CACHD1: variants seen among roughly 807,000 people sequenced by gnomAD.
The protein encoded by CACHD1 is cache domain containing 1.
Under a neutral mutation model 138.7 loss-of-function variants are expected in CACHD1, and 71 were observed. The observed-to-expected ratio is 0.51, with a 90% confidence interval of 0.42 to 0.62. The LOEUF is 0.62. Ranked by LOEUF, CACHD1 falls within the 20% of genes least tolerant of loss-of-function variation. CACHD1 has a pLI of 0.00. For missense variants in CACHD1, 1,389 were observed against 1,625.3 expected, an observed-to-expected ratio of 0.85 and a Z score of 2.50; for synonymous variants, 578 against 591.5, an observed-to-expected ratio of 0.98 and a Z score of 0.33.
At chr1:64,568,159 GGTTTTGTTTT>G (rs940981105) in intron 2 of CACHD1, among the ~76,000 whole-genome samples, 15 of 152,014 alleles carry the variant, frequency 9.9e-5, no homozygotes, top group Admixed American at 5.2e-4. Context: ...GGGCTATTGG[GGTTTTGTTTT>G]GTTTTGTTTT....
chr1:64,680,365 G>A (rs901888042), intron 24 of CACHD1, among the ~76,000 whole-genome samples: 80 of 152,088 alleles, frequency 5.3e-4, no homozygotes, highest in African/African-American at 1.6e-3. Context: ...GCACCTACCC[G>A]TGGTCTGAGC....
At chr1:64,506,733 G>A (rs924649380) in intron 1 of CACHD1, among the ~76,000 whole-genome samples, 6 of 152,168 alleles carry the variant, frequency 3.9e-5, no homozygotes, top group South Asian at 2.1e-4. Context: ...GTTCTTGCCC[G>A]TTACTTACTG....
At chr1:64,661,091 G>A (rs1391984725) in intron 13 of CACHD1, among the ~76,000 whole-genome samples, 1 of 152,050 alleles carries the variant, frequency 6.6e-6, no homozygotes, top group African/African-American at 2.4e-5. Flanking sequence ...AGGATCAGTT[G>A]GCAATGAAAA....
At chr1:64,552,078 A>G (rs1484239227) in intron 2 of CACHD1, among the ~76,000 whole-genome samples, 1 of 152,214 alleles carries the variant, frequency 6.6e-6, no homozygotes, top group Non-Finnish European at 1.5e-5. Flanking sequence ...TGATCCAGGG[A>G]TATCAGTTTT....
At chr1:64,489,001 G>A (rs1348019807) in intron 1 of CACHD1, among the ~76,000 whole-genome samples, 2 of 152,162 alleles carry the variant, frequency 1.3e-5, no homozygotes, top group Non-Finnish European at 2.9e-5. Context: ...TCAGCTCTGG[G>A]AAATCATGGG....
At chr1:64,615,894 C>A (rs1003914735) in intron 4 of CACHD1, among the ~76,000 whole-genome samples, 5 of 152,100 alleles carry the variant, frequency 3.3e-5, no homozygotes, top group African/African-American at 9.7e-5. Context: ...CCTCATAAAC[C>A]ATTTTATACT....
chr1:64,614,324 A>G (rs2100602102), intron 4 of CACHD1, among the ~76,000 whole-genome samples: 1 of 151,020 alleles, frequency 6.6e-6, no homozygotes, highest in Admixed American at 6.6e-5. Flanking sequence ...TGGACAGCTG[A>G]GTGGGCATCT....
intron 1 of CACHD1, among the ~76,000 whole-genome samples, chr1:64,499,905 C>T (rs566324790): frequency 6.6e-6 from 1 of 152,300 alleles, no homozygotes; most frequent in African/African-American, 2.4e-5. Context: ...GGGAGATTCT[C>T]ATACTTCACT....
At chr1:64,611,091 A>G (rs1385577584) in intron 4 of CACHD1, among the ~76,000 whole-genome samples, 1 of 152,140 alleles carries the variant, frequency 6.6e-6, no homozygotes, top group Non-Finnish European at 1.5e-5. Context: ...CTGGAGCTGG[A>G]GTGGCTGGGA....
intron 2 of CACHD1, among the ~76,000 whole-genome samples, chr1:64,566,768 G>C (rs1250824221): frequency 6.6e-6 from 1 of 151,272 alleles, no homozygotes; most frequent in Non-Finnish European, 1.5e-5. Flanking sequence ...AGCTGAATCT[G>C]AATTTCTTTT....
At chr1:64,562,248 G>A (rs992796540) in intron 2 of CACHD1, among the ~76,000 whole-genome samples, 2 of 151,882 alleles carry the variant, frequency 1.3e-5, no homozygotes, top group Non-Finnish European at 2.9e-5. Context: ...TATATTTTCT[G>A]TCTCATTATT....
intron 6 of CACHD1, among the ~76,000 whole-genome samples, chr1:64,633,383 ACTT>A (rs1648384067): frequency 1.3e-5 from 2 of 152,140 alleles, no homozygotes; most frequent in South Asian, 2.1e-4. Flanking sequence ...TTAGTCTTAT[ACTT>A]CTTTATGGCT....
At chr1:64,681,428 A>T in intron 25 of CACHD1, 93 bp downstream of exon 25, 2 of 1,039,602 alleles carry the variant, frequency 1.9e-6, no homozygotes, top group Non-Finnish European at 2.8e-6. Flanking sequence ...TTGTATTAAA[A>T]TTTAAGAAGC....
intron 3 of CACHD1, among the ~76,000 whole-genome samples, chr1:64,595,771 G>A (rs981821273): frequency 9.2e-5 from 14 of 152,174 alleles, no homozygotes; most frequent in African/African-American, 3.4e-4. Context: ...TCACAGCAGG[G>A]CCTTCTCTCC....
intron 3 of CACHD1, among the ~76,000 whole-genome samples, chr1:64,590,835 A>C (rs1285426659): frequency 6.6e-6 from 1 of 152,220 alleles, no homozygotes; most frequent in Admixed American, 6.5e-5. Flanking sequence ...ATTATACCTG[A>C]GTCATGTAGT....
chr1:64,495,644 A>G (rs1441338589), intron 1 of CACHD1, among the ~76,000 whole-genome samples: 7 of 152,168 alleles, frequency 4.6e-5, no homozygotes, highest in Admixed American at 1.3e-4. Context: ...ATGGGCAGAA[A>G]GAGAGCAATA....
intron 22 of CACHD1, 49 bp downstream of exon 22, chr1:64,677,060 A>G (rs747947826): frequency 2.2e-6 from 3 of 1,378,696 alleles, no homozygotes; most frequent in Admixed American, 3.6e-5. Context: ...AATATTTATT[A>G]TTCCTACTCT....
In CACHD1 at chr1:64,657,439, G is replaced by A. The variant is rs577471720; in HGVS notation, c.1783-1266G>A. ...ATTATTTTCTAGTCATTCTGGTAGG[G>A]TTTTGTCTTTTGGTTCCTTGGAACA... On this transcript the variant is annotated intron_variant, in intron 12 of 26. Transcript: ENST00000651257. 1.0e-3 allele frequency among the ~76,000 whole-genome samples: 152 copies of A among 152,208 alleles called. 1 individual carries two copies. The highest frequency in any genetic ancestry group is 3.6e-3 in the African/African-American group (150 of 41,522).
chr1:64,562,269 G>A (rs1394827305), intron 2 of CACHD1, among the ~76,000 whole-genome samples: 1 of 151,986 alleles, frequency 6.6e-6, no homozygotes, highest in Non-Finnish European at 1.5e-5. Context: ...TGCTCTCCTT[G>A]TAGGTCTCTG....
Sources: allele counts gnomAD v4.1 joint callset (sites outside exome capture counted in the v4.1 genomes callset), GRCh38; gene constraint gnomAD v4.1.1; transcripts MANE v1.5; gene names NCBI Gene and HGNC (gene_info 2026-07-23, HGNC 2026-07-21).